The following CUZD1 variants were observed in gnomAD, a reference collection of about 807,000 sequenced individuals.
CUZD1 encodes the protein CUB and zona pellucida-like domain-containing protein 1.
CUZD1 carries 42 observed loss-of-function variants against 53.1 expected under a neutral mutation model. The observed-to-expected ratio is 0.79, with a 90% CI of 0.62 to 1.02. The LOEUF (loss-of-function observed/expected upper bound fraction) is 1.02. CUZD1 is among the 50% of genes least tolerant of loss of function. The probability of loss-of-function intolerance (pLI) is 0.00; values close to 1 mark genes in which losing one functional copy is unlikely to be tolerated. For synonymous variants in CUZD1, 238 were observed against 257.2 expected (o/e 0.93, Z 0.71); for missense variants, 670 against 715.7 (o/e 0.94, Z 0.73).
chr10:122,833,652 T>C lies in CUZD1; in HGVS notation c.1651+20A>G, dbSNP rs891718358. ...TGAGCCATGATGTGCTTTTGGATCATGGAATAGCTTTTTTCTTACCTGAAT... is the reference window on the plus strand; with the variant it reads ...TGAGCCATGATGTGCTTTTGGATCACGGAATAGCTTTTTTCTTACCTGAAT... On this transcript the variant is annotated intron_variant, in intron 8 of 8. Transcript: ENST00000392790. 7 of 1,608,124 alleles carry C rather than the reference T, an allele frequency of 4.4e-6. No homozygotes were observed. Among genetic ancestry groups the C allele is most frequent in the Admixed American group, 3.3e-5 (2 of 59,710 alleles).
rs764182845 is a variant in CUZD1 at position 122,839,182 on chromosome 10, C to T, written c.283G>A (p.Gly95Arg). The T allele has an allele frequency of 9.9e-6, 16 of 1,614,066 alleles. No individual in the cohort carries two copies. The highest frequency in any genetic ancestry group is 1.1e-5 in the Non-Finnish European group (13 of 1,179,960). ...CESENIKVFD[G>R]TSSNGPLLGQ... is the part of the protein sequence containing the mutation. ...AGCAGAGGCCCATTGCTGGAGGTTC[C>T]GTCAAAGACTTTAATGTTTTCACTT... Residue 95 changes from glycine (G) to arginine (R), a missense_variant, in exon 3 of 9, where the codon GGA becomes AGA. Gly to Arg is a moderately radical substitution (Grantham distance 125, BLOSUM62 -2). Coordinates refer to ENST00000392790, the MANE Select transcript of CUZD1 (RefSeq NM_022034.6).
chr10:122,841,218 GTCTT>G lies in CUZD1; in HGVS notation c.189_192del (p.Glu63AspfsTer40), dbSNP rs753689743. On this transcript the variant is annotated frameshift_variant, in exon 2 of 9. Transcript: ENST00000392790. LOFTEE classifies it high-confidence loss of function. ...ATAATTCTGATGCTTTTGTTTTCTG[GTCTT>G]TCTATTGTCCAGGTGCAGTTCTCAC... 20 of 1,613,622 alleles carry G rather than the reference GTCTT, an allele frequency of 1.2e-5. No individual in the cohort carries two copies. Among genetic ancestry groups the G allele is most frequent in the Non-Finnish European group, 1.4e-5 (16 of 1,179,854 alleles).
At chr10:122,841,990 TGA>T (rs914377757) in intron 1 of CUZD1, among the ~76,000 whole-genome samples, 3 of 152,172 alleles carry the variant, frequency 2.0e-5, no homozygotes, top group African/African-American at 7.2e-5. Context: ...GATTGGGTTT[TGA>T]GAGTTTTTTA....
At chr10:122,837,580 G>A in intron 3 of CUZD1, 26 bp from the exon 4 acceptor site, 1 of 1,531,358 alleles carries the variant, frequency 6.5e-7, no homozygotes, top group South Asian at 1.3e-5. Flanking sequence ...AGGTGGTCAA[G>A]AATGAACATC....
At position 122,832,343 on chromosome 10, in the gene CUZD1, T is replaced by C. The variant is rs143224907; in HGVS notation, c.1759A>G (p.Ile587Val). Residue 587 changes from isoleucine to valine, a missense_variant, in exon 9 of 9, where the codon ATC becomes GTC. Ile to Val is a conservative substitution (Grantham distance 29). Coordinates refer to ENST00000392790, the MANE Select transcript of CUZD1 (RefSeq NM_022034.6). Reference sequence around the variant, plus strand: ...TGATTTACAAAATGCCTCACTGTGATTGTCGCTACAGTCACCACATTCAGA... The same window carrying C: ...TGATTTACAAAATGCCTCACTGTGACTGTCGCTACAGTCACCACATTCAGA... ...LALNVVTVAT[I>V]TVRHFVNQRA... is the part of the protein sequence containing the mutation. The C allele has an allele frequency of 7.5e-5, 121 of 1,614,010 alleles. No homozygotes were observed. Among genetic ancestry groups the C allele is most frequent in the Non-Finnish European group, 1.0e-4 (118 of 1,179,980 alleles).
At chr10:122,844,445 G>A (rs1470548089) in intron 1 of CUZD1, among the ~76,000 whole-genome samples, 1 of 152,088 alleles carries the variant, frequency 6.6e-6, no homozygotes, top group Non-Finnish European at 1.5e-5. Context: ...ACTTTAAAAT[G>A]GTGGATTTTA....
chr10:122,838,892 T>C, intron 3 of CUZD1, 125 bp downstream of exon 3: 1 of 702,128 alleles, frequency 1.4e-6, no homozygotes, highest in Non-Finnish European at 2.5e-6. Context: ...GAACTACTGC[T>C]CTCTCAGATA....
At chr10:122,843,995 C>CTATATATATAGAGAGACTATATATAAATA (rs1847390147) in intron 1 of CUZD1, among the ~76,000 whole-genome samples, 1 of 146,990 alleles carries the variant, frequency 6.8e-6, no homozygotes, top group African/African-American at 2.5e-5. Flanking sequence ...TATAGAGAGA[C>CTATATATATAGAGAGACTATATATAAATA]TATATATATA....
chr10:122,836,798 T>A (rs1195123213), intron 5 of CUZD1, 33 bp downstream of exon 5: 1 of 1,545,932 alleles, frequency 6.5e-7, no homozygotes, highest in Non-Finnish European at 8.9e-7. Flanking sequence ...TTCGAAGAGC[T>A]CAAAATAGCT....
chr10:122,839,128 C>T lies in CUZD1; in HGVS notation c.337G>A (p.Val113Ile). 6.2e-7 allele frequency: 1 copy of T among 1,614,148 alleles called. No individual in the cohort carries two copies. ...LGQVCSKNDY[V>I]PVFESSSSTL... is the part of the protein sequence containing the mutation. The stretch of plus-strand genomic sequence containing the variant: ...CTGGATGATGATTCAAATACAGGAA[C>T]ATAGTCGTTTTTACTGCAGACTTGC... The change falls in exon 3 of 9, where the codon GTT (valine) becomes ATT (isoleucine). Residue 113 changes from valine (V) to isoleucine (I), a missense_variant. By Grantham distance (29) the Val-to-Ile change is conservative. Coordinates refer to ENST00000392790, the MANE Select transcript of CUZD1 (RefSeq NM_022034.6).
chr10:122,841,840 A>C (rs1847350083), intron 1 of CUZD1, among the ~76,000 whole-genome samples: 1 of 152,184 alleles, frequency 6.6e-6, no homozygotes. Context: ...GCATCCCATC[A>C]TGGTTTTAAC....
chr10:122,840,560 A>G (rs1197452573), intron 2 of CUZD1, among the ~76,000 whole-genome samples: 2 of 152,250 alleles, frequency 1.3e-5, no homozygotes, highest in East Asian at 3.9e-4. Context: ...AGCGTTGTTG[A>G]GAGGATTAAC....
chr10:122,837,989 TCC>T, intron 3 of CUZD1: 2 of 155,496 alleles, frequency 1.3e-5, no homozygotes, highest in Admixed American at 1.3e-4. Flanking sequence ...CAGAGGTGAG[TCC>T]TCTTCCCTGA....
chr10:122,837,462 C>T lies in CUZD1; in HGVS notation c.541G>A (p.Val181Met). Residue 181 changes from valine (V) to methionine (M), a missense_variant, in exon 4 of 9, where the codon GTG (valine) becomes ATG (methionine). By Grantham distance (21) the Val-to-Met change is conservative. Transcript: ENST00000392790. Reference protein sequence around the residue: ...PKPHPELAYCVWHIQVEKDYK... With the variant: ...PKPHPELAYCMWHIQVEKDYK... ...TCTTTCTCCACTTGTATGTGCCACA[C>T]ACAATAAGCCAGCTCAGGATGCGGC... is the stretch of plus-strand genomic sequence containing the variant. The T allele has an allele frequency of 6.2e-7, 1 of 1,613,608 alleles. No individual in the cohort carries two copies. The highest frequency in any genetic ancestry group is 8.5e-7 in the Non-Finnish European group (1 of 1,179,814).
intron 1 of CUZD1, among the ~76,000 whole-genome samples, chr10:122,841,749 G>C (rs1292138702): frequency 6.6e-6 from 1 of 152,172 alleles, no homozygotes; most frequent in Non-Finnish European, 1.5e-5. Context: ...GAGAGTTCCA[G>C]TTGCACCACA....
chr10:122,833,190 C>A (rs1392130833), intron 8 of CUZD1, among the ~76,000 whole-genome samples: 1 of 152,062 alleles, frequency 6.6e-6, no homozygotes, highest in Non-Finnish European at 1.5e-5. Flanking sequence ...CTGGGCAGAT[C>A]TCAGGTTTCA....
intron 6 of CUZD1, 99 bp downstream of exon 6, chr10:122,836,079 G>A (rs186896476): frequency 5.4e-6 from 6 of 1,107,756 alleles, no homozygotes. Context: ...TAAAATTTGG[G>A]GGTCGTTTGT....
intron 1 of CUZD1, among the ~76,000 whole-genome samples, chr10:122,841,999 T>A (rs1227251633): frequency 6.6e-6 from 1 of 152,190 alleles, no homozygotes; most frequent in Non-Finnish European, 1.5e-5. Flanking sequence ...TTGAGAGTTT[T>A]TTATATATGC....
intron 3 of CUZD1, chr10:122,838,031 A>G (rs1394648861): frequency 6.5e-6 from 1 of 154,244 alleles, no homozygotes; most frequent in Non-Finnish European, 1.4e-5. Context: ...TCGTCATGCT[A>G]TTGTTCAAAG....
Sources: gnomAD v4.1 joint callset for allele counts (sites outside exome capture counted in the v4.1 genomes callset) on GRCh38, gnomAD v4.1.1 for gene constraint, MANE v1.5 for transcripts, NCBI Gene and HGNC (gene_info 2026-07-23, HGNC 2026-07-21) for gene names.